Variants in TOX3 observed in about 807,000 individuals in gnomAD.
The protein encoded by TOX3 is CAG trinucleotide repeat-containing gene F9 protein.
Under a neutral mutation model 64.3 loss-of-function variants are expected in TOX3, and 22 were observed. The ratio of observed to expected loss-of-function variants is 0.34; its 90% CI spans 0.24 to 0.49. The LOEUF (loss-of-function observed/expected upper bound fraction) is 0.49, where lower values mean the gene tolerates loss of function less well. Among genes scored for constraint, TOX3 ranks in the 20% least tolerant of loss-of-function variants. The pLI, the probability that TOX3 is intolerant of heterozygous loss-of-function variation, is 0.99. For missense variants in TOX3, 661 were observed against 714.4 expected (o/e 0.93, Z 0.85); for synonymous variants, 291 against 273.6 (o/e 1.06, Z -0.63).
chr16:52,522,168 A>G (rs1388135003), intron 1 of TOX3, among the ~76,000 whole-genome samples: 1 of 152,204 alleles, frequency 6.6e-6, no homozygotes, highest in Non-Finnish European at 1.5e-5. Flanking sequence ...GCTAAATAAT[A>G]GTATTTTCTC....
intron 1 of TOX3, among the ~76,000 whole-genome samples, chr16:52,523,827 T>C (rs1048294805): frequency 6.6e-6 from 1 of 152,208 alleles, no homozygotes; most frequent in Non-Finnish European, 1.5e-5. Context: ...TATTTGAATA[T>C]AGCATCAATA....
Position 52,546,702 on chromosome 16 carries a change from C to G in TOX3, c.22G>C (p.Ala8Pro), listed in dbSNP as rs761115401. MDVRFYP[A>P]AAGDPASLDF... Reference sequence around the variant, plus strand: ...AGGCTGGCAGGGTCCCCGGCCGCCGCGGGGTAGAACCTCACATCCATGCCG... The same window carrying G: ...AGGCTGGCAGGGTCCCCGGCCGCCGGGGGGTAGAACCTCACATCCATGCCG... Residue 8 changes from alanine to proline, a missense_variant, in exon 1 of 7, where the codon GCG becomes CCG. By Grantham distance (27) the Ala-to-Pro change is conservative (BLOSUM62 -1). Around this residue, in one of 3 missense-constraint regions of TOX3, gnomAD observed 259 missense variants for 261.2 expected, o/e 0.99. Transcript: ENST00000219746. 6.5e-7 allele frequency: 1 copy of G among 1,539,118 alleles called. No individual in the cohort carries two copies. Among genetic ancestry groups the G allele is most frequent in the African/African-American group, 1.4e-5 (1 of 72,944 alleles).
intron 1 of TOX3, among the ~76,000 whole-genome samples, chr16:52,505,571 C>T (rs1463291551): frequency 6.6e-6 from 1 of 152,196 alleles, no homozygotes; most frequent in African/African-American, 2.4e-5. Context: ...AAATCACTAA[C>T]TGCTTTGGCT....
rs60615310 is a variant in TOX3, at chr16:52,440,752, C to CTTTTTTTTT, written c.988-793_988-785dup. ...GGTTATATGGTATTTTTCTTTCTTT[C>CTTTTTTTTT]TTTTTTTTTTTTTTTTTTTTTTTTT... On this transcript the variant is annotated intron_variant, in intron 6 of 6. Coordinates refer to ENST00000219746, the MANE Select transcript of TOX3 (RefSeq NM_001080430.4). 3.2e-4 allele frequency among the ~76,000 whole-genome samples: 21 copies of CTTTTTTTTT among 66,606 alleles called. 1 individual carries two copies. Among genetic ancestry groups the CTTTTTTTTT allele is most frequent in the East Asian group, 7.6e-4 (1 of 1,322 alleles). The allele number at this position is 66,606 out of a possible 152,430, so 43.7% of individuals were successfully genotyped here.
At chr16:52,509,337 T>A (rs1962241098) in intron 1 of TOX3, among the ~76,000 whole-genome samples, 1 of 152,222 alleles carries the variant, frequency 6.6e-6, no homozygotes, top group Non-Finnish European at 1.5e-5. Flanking sequence ...TCCAAGTCTG[T>A]CAGTGTGCAC....
intron 1 of TOX3, among the ~76,000 whole-genome samples, chr16:52,482,658 G>A (rs1201847920): frequency 2.0e-5 from 3 of 151,984 alleles, no homozygotes; most frequent in African/African-American, 7.3e-5. Flanking sequence ...TTGTTGAGAA[G>A]CTAAAAAAAG....
chr16:52,485,244 G>GTATATATATATATATATA (rs761645024), intron 1 of TOX3, among the ~76,000 whole-genome samples: 6 of 95,322 alleles, frequency 6.3e-5, no homozygotes, highest in African/African-American at 2.7e-4. Flanking sequence ...GTATGTGTGT[G>GTATATATATATATATATA]TGTATATATA....
intron 1 of TOX3, among the ~76,000 whole-genome samples, chr16:52,523,362 TTAAGA>T (rs1962654549): frequency 6.6e-6 from 1 of 152,022 alleles, no homozygotes; most frequent in African/African-American, 2.4e-5. Flanking sequence ...CACCACTGAG[TTAAGA>T]CCAGGCTTTC....
intron 1 of TOX3, among the ~76,000 whole-genome samples, chr16:52,521,704 A>T (rs1406369112): frequency 1.3e-5 from 2 of 152,214 alleles, no homozygotes; most frequent in South Asian, 4.1e-4. Flanking sequence ...GGTTCTGAGC[A>T]GTAGAACTCA....
chr16:52,441,001 A>T (rs1959964632), intron 6 of TOX3, among the ~76,000 whole-genome samples: 1 of 151,726 alleles, frequency 6.6e-6, no homozygotes, highest in African/African-American at 2.4e-5. Flanking sequence ...TGACCTCGTG[A>T]TCTGCCCACC....
chr16:52,510,778 A>G lies in TOX3; in HGVS notation c.87+35859T>C, dbSNP rs112711635. Among the ~76,000 whole-genome samples, 752 of 115,082 alleles carry G rather than the reference A, an allele frequency of 6.5e-3. 16 individuals carry two copies. Among genetic ancestry groups the G allele is most frequent in the African/African-American group, 0.023 (650 of 28,540 alleles). 75.5% of individuals were successfully genotyped at this position (115,082 alleles called of 152,430 possible). A position where few individuals can be genotyped will look rare whatever the true frequency, so the allele number is the denominator to read the frequency against. ...CTGTCTCAAAAAAAAAAAAAAAAAA[A>G]AAGAAGAAGAAGAAGAAGAAAAAGA... On this transcript the variant is annotated intron_variant, in intron 1 of 6. Coordinates refer to ENST00000219746, the MANE Select transcript of TOX3 (RefSeq NM_001080430.4).
chr16:52,485,471 C>A (rs1377041870), intron 1 of TOX3, among the ~76,000 whole-genome samples: 4 of 151,684 alleles, frequency 2.6e-5, no homozygotes, highest in Non-Finnish European at 5.9e-5. Context: ...ATGGCAGACA[C>A]TGGGGACTCC....
chr16:52,450,535 G>T lies in TOX3; in HGVS notation c.420C>A (p.His140Gln). Residue 140 changes from histidine (H) to glutamine (Q), a missense_variant, in exon 4 of 7, where the codon CAC becomes CAA. Around this residue, in one of 3 missense-constraint regions of TOX3, gnomAD observed 259 missense variants for 261.2 expected, o/e 0.99. Coordinates refer to ENST00000219746, the MANE Select transcript of TOX3 (RefSeq NM_001080430.4). Reference sequence around the variant, plus strand: ...CCTGCCGGTACTGGGACACTTGTGTGTGGCTCTGATCCTAGAAAGGCAGCA... The same window carrying T: ...CCTGCCGGTACTGGGACACTTGTGTTTGGCTCTGATCCTAGAAAGGCAGCA... ...HSSGLHMDQS[H>Q]TQVSQYRQDP... The T allele has an allele frequency of 6.2e-7, 1 of 1,614,006 alleles. No individual in the cohort carries two copies. Among genetic ancestry groups the T allele is most frequent in the Non-Finnish European group, 8.5e-7 (1 of 1,179,880 alleles).
At chr16:52,441,135 C>G (rs79846586) in intron 6 of TOX3, among the ~76,000 whole-genome samples, 4 of 151,990 alleles carry the variant, frequency 2.6e-5, no homozygotes, top group African/African-American at 9.7e-5. Context: ...TTTAGGAAAG[C>G]GCCTGGTCCA....
Position 52,438,986 on chromosome 16 carries a change from A to G in TOX3, c.*239T>C, listed in dbSNP as rs1231774081. On this transcript the variant is annotated 3_prime_UTR_variant, in exon 7 of 7. Transcript: ENST00000219746. ...TATAGCCTGAATAAATAAAAAAGGC[A>G]TCACATAAAAGAGCACAGCTTTTCT... The G allele has an allele frequency of 1.4e-6, 1 of 693,936 alleles. No homozygotes were observed. The highest frequency in any genetic ancestry group is 3.0e-5 in the East Asian group (1 of 33,576). 43.0% of individuals were successfully genotyped at this position (693,936 alleles called of 1,614,324 possible).
At chr16:52,485,495 G>A (rs1283484649) in intron 1 of TOX3, among the ~76,000 whole-genome samples, 3 of 151,710 alleles carry the variant, frequency 2.0e-5, no homozygotes, top group African/African-American at 4.8e-5. Context: ...AGGACGTTGG[G>A]GGGTGATGAA....
chr16:52,446,524 T>C (rs1324952809), intron 4 of TOX3, among the ~76,000 whole-genome samples: 1 of 152,210 alleles, frequency 6.6e-6, no homozygotes, highest in Non-Finnish European at 1.5e-5. Flanking sequence ...ATATATATGC[T>C]ATACTACACA....
intron 3 of TOX3, among the ~76,000 whole-genome samples, chr16:52,451,036 T>G (rs1263407488): frequency 3.9e-5 from 6 of 152,222 alleles, no homozygotes; most frequent in Non-Finnish European, 8.8e-5. Flanking sequence ...AAGCCATTCT[T>G]TATTTTATTC....
chr16:52,471,573 T>C (rs1961046420), intron 1 of TOX3, among the ~76,000 whole-genome samples: 3 of 152,162 alleles, frequency 2.0e-5, no homozygotes, highest in Admixed American at 2.0e-4. Flanking sequence ...CACTGACATC[T>C]CTCCCAGAAC....
Sources: gnomAD v4.1 joint callset for allele counts (sites outside exome capture counted in the v4.1 genomes callset) on GRCh38, gnomAD v4.1.1 for gene constraint, gnomAD v4.1.1 regional missense constraint, MANE v1.5 for transcripts, NCBI Gene and HGNC (gene_info 2026-07-23, HGNC 2026-07-21) for gene names.